MEGF11: variants seen among roughly 807,000 people sequenced by gnomAD.
MEGF11 encodes multiple epidermal growth factor-like domains protein 11.
A neutral mutation model predicts 146.6 loss-of-function variants in MEGF11; 126 were observed. That is an observed-to-expected ratio of 0.86 (90% confidence interval 0.74 to 1.00). The LOEUF (loss-of-function observed/expected upper bound fraction) is 1.00, where lower values mean the gene tolerates loss of function less well. Ranked by LOEUF, MEGF11 falls within the 50% of genes least tolerant of loss-of-function variation. The probability of loss-of-function intolerance (pLI) is 0.00; values close to 1 mark genes in which losing one functional copy is unlikely to be tolerated. For synonymous variants in MEGF11, 532 were observed against 583.4 expected (o/e 0.91, Z 1.27); for missense variants, 1,509 against 1,521.2 (o/e 0.99, Z 0.13).
chr15:66,107,214 A>G (rs1382603010), intron 4 of MEGF11, among the ~76,000 whole-genome samples: 5 of 152,158 alleles, frequency 3.3e-5, no homozygotes, highest in Admixed American at 6.5e-5. Flanking sequence ...TACTTGATGG[A>G]CAGCTGAGCA....
chr15:65,988,214 G>T (rs1256052010), intron 5 of MEGF11, among the ~76,000 whole-genome samples: 1 of 151,424 alleles, frequency 6.6e-6, no homozygotes, highest in Non-Finnish European at 1.5e-5. Flanking sequence ...TCACCATGTT[G>T]GCCAGGCTGG....
At chr15:66,167,377 C>T (rs2090125848) in intron 1 of MEGF11, among the ~76,000 whole-genome samples, 1 of 151,512 alleles carries the variant, frequency 6.6e-6, no homozygotes, top group Non-Finnish European at 1.5e-5. Context: ...CACGGTGGCT[C>T]ACACCTGTAA....
intron 4 of MEGF11, among the ~76,000 whole-genome samples, chr15:66,102,213 C>T (rs1262692125): frequency 4.6e-5 from 7 of 151,438 alleles, no homozygotes; most frequent in Non-Finnish European, 8.8e-5. Context: ...AGGATTTTCT[C>T]GGCCGAGCTG....
intron 13 of MEGF11, among the ~76,000 whole-genome samples, chr15:65,928,030 A>T (rs1252851611): frequency 6.6e-6 from 1 of 152,142 alleles, no homozygotes; most frequent in East Asian, 1.9e-4. Flanking sequence ...TGGCAGTGGG[A>T]TGGAGAGAAG....
intron 10 of MEGF11, among the ~76,000 whole-genome samples, chr15:65,955,813 C>CACACA (rs1193664795): frequency 2.4e-3 from 5 of 2,100 alleles, no homozygotes; most frequent in Non-Finnish European, 0.012. Flanking sequence ...CACACACACA[C>CACACA]AATACTTTAA....
chr15:66,156,235 C>A (rs1272565757), intron 1 of MEGF11, among the ~76,000 whole-genome samples: 1 of 152,192 alleles, frequency 6.6e-6, no homozygotes, highest in African/African-American at 2.4e-5. Flanking sequence ...ATGGCCCAGA[C>A]ACCTGCACTG....
intron 1 of MEGF11, among the ~76,000 whole-genome samples, chr15:66,245,402 A>G (rs2092280539): frequency 6.6e-6 from 1 of 151,562 alleles, no homozygotes; most frequent in African/African-American, 2.4e-5. Context: ...GCAAGGTGGG[A>G]GGACTGCTTG....
intron 1 of MEGF11, among the ~76,000 whole-genome samples, chr15:66,237,319 A>T (rs2140225246): frequency 8.4e-6 from 1 of 118,510 alleles, no homozygotes; most frequent in East Asian, 3.6e-4. Context: ...TCTCCTTCCA[A>T]CTCACTCCCC....
At chr15:66,203,347 C>T (rs2091218446) in intron 1 of MEGF11, among the ~76,000 whole-genome samples, 3 of 152,230 alleles carry the variant, frequency 2.0e-5, no homozygotes, top group African/African-American at 4.8e-5. Flanking sequence ...CTTTGAATTG[C>T]ACCCACCACT....
chr15:65,913,968 G>A lies in MEGF11; in HGVS notation c.2479C>T (p.Leu827Phe). 1 of 1,613,004 alleles carries A rather than the reference G, an allele frequency of 6.2e-7. No homozygotes were observed. Among genetic ancestry groups the A allele is most frequent in the Middle Eastern group, 1.7e-4 (1 of 6,040 alleles). The change falls in exon 20 of 26, where the codon CTC becomes TTC. Residue 827 changes from leucine (L) to phenylalanine (F), a missense_variant. By Grantham distance (22) the Leu-to-Phe change is conservative (BLOSUM62 0). Coordinates refer to ENST00000395614, the MANE Select transcript of MEGF11 (RefSeq NM_001385028.1). ...TAGGGATTCAGCTCCTCCATCATGAGGGCAGCTGCGGGCAGAGGGAGGGCC... is the reference window on the plus strand; with the variant it reads ...TAGGGATTCAGCTCCTCCATCATGAAGGCAGCTGCGGGCAGAGGGAGGGCC... The part of the protein sequence containing the change: ...FKGIRCDQAA[L>F]MMEELNPYTK...
intron 9 of MEGF11, among the ~76,000 whole-genome samples, chr15:65,958,071 T>TAGACTATG (rs2080721845): frequency 6.6e-6 from 1 of 152,228 alleles, no homozygotes; most frequent in African/African-American, 2.4e-5. Context: ...CCTTGGCTTA[T>TAGACTATG]AGACTATGCA....
chr15:65,915,383 C>A, intron 19 of MEGF11, 87 bp downstream of exon 19: 2 of 1,510,942 alleles, frequency 1.3e-6, no homozygotes, highest in South Asian at 1.3e-5. Flanking sequence ...GAAGTATCAT[C>A]AAATCCAGCT....
chr15:66,172,296 G>T (rs2090281084), intron 1 of MEGF11, among the ~76,000 whole-genome samples: 1 of 152,198 alleles, frequency 6.6e-6, no homozygotes, highest in East Asian at 1.9e-4. Context: ...CCCTCCAGGA[G>T]CTGGAAGGCT....
intron 5 of MEGF11, among the ~76,000 whole-genome samples, chr15:66,006,612 GCTCT>G (rs1261315113): frequency 1.3e-5 from 2 of 152,276 alleles, no homozygotes; most frequent in Non-Finnish European, 1.5e-5. Context: ...CTCTGGCCTG[GCTCT>G]CTCTCTGCTG....
chr15:66,045,493 G>A (rs1279182575), intron 5 of MEGF11, among the ~76,000 whole-genome samples: 1 of 152,142 alleles, frequency 6.6e-6, no homozygotes, highest in Non-Finnish European at 1.5e-5. Flanking sequence ...GGACCCCTTG[G>A]CTCAGCATCT....
At chr15:66,214,030 C>CT (rs11303068) in intron 1 of MEGF11, among the ~76,000 whole-genome samples, 13,167 of 92,300 alleles carry the variant, frequency 0.14, 1,273 homozygotes, top group East Asian at 0.48. Context: ...GAGCCGGCCA[C>CT]TTTTTTTTTT....
chr15:66,026,124 C>T (rs928193445), intron 5 of MEGF11, among the ~76,000 whole-genome samples: 11 of 152,232 alleles, frequency 7.2e-5, no homozygotes, highest in Admixed American at 1.3e-4. Flanking sequence ...TCCCCCACTC[C>T]CCAAAGCTCC....
intron 5 of MEGF11, among the ~76,000 whole-genome samples, chr15:66,090,017 TC>T (rs1214191767): frequency 2.0e-5 from 3 of 152,230 alleles, no homozygotes. Context: ...CCCAGAATTA[TC>T]TGATAGTTGG....
At chr15:66,162,342 T>C (rs892071099) in intron 1 of MEGF11, among the ~76,000 whole-genome samples, 2 of 152,210 alleles carry the variant, frequency 1.3e-5, no homozygotes, top group African/African-American at 2.4e-5. Context: ...TTTTATGTGA[T>C]GTATATTTTA....
Sources: allele counts gnomAD v4.1 joint callset (sites outside exome capture counted in the v4.1 genomes callset), GRCh38; gene constraint gnomAD v4.1.1; transcripts MANE v1.5; gene names NCBI Gene and HGNC (gene_info 2026-07-23, HGNC 2026-07-21).